BCAR3: variants seen among roughly 807,000 people sequenced by gnomAD.
BCAR3 encodes the protein BCAR3 adaptor protein, NSP family member, also known as breast cancer anti-estrogen resistance protein 3.
BCAR3 carries 37 observed loss-of-function variants against 80.1 expected under a neutral mutation model. The ratio of observed to expected loss-of-function variants is 0.46; its 90% CI spans 0.36 to 0.61. The LOEUF (loss-of-function observed/expected upper bound fraction) is 0.61, where lower values mean the gene tolerates loss of function less well. Ranked by LOEUF, BCAR3 falls within the 20% of genes least tolerant of loss-of-function variation. The pLI is 0.00. For synonymous variants in BCAR3, 389 were observed against 418.9 expected (o/e 0.93, Z 0.87); for missense variants, 978 against 1,068.2 (o/e 0.92, Z 1.18).
intron 3 of BCAR3, among the ~76,000 whole-genome samples, chr1:93,598,482 A>G (rs996938002): frequency 2.6e-5 from 4 of 152,230 alleles, no homozygotes; most frequent in African/African-American, 9.6e-5. Context: ...CTGAGGGTGG[A>G]AAGAGGCTGC....
intron 3 of BCAR3, chr1:93,598,815 T>C (rs1359885655): frequency 1.3e-5 from 2 of 152,202 alleles, no homozygotes; most frequent in Admixed American, 6.5e-5. Context: ...GACAGATGTC[T>C]GGAGAATCAG....
At chr1:93,662,947 C>CT (rs11382530) in intron 2 of BCAR3, among the ~76,000 whole-genome samples, 151,610 of 152,308 alleles carry the variant, frequency 1, 75,459 homozygotes, top group Middle Eastern at 1. Context: ...TCCTGTAGTT[C>CT]TTGTTACTCC....
At chr1:93,652,396 C>T (rs1386915729) in intron 2 of BCAR3, among the ~76,000 whole-genome samples, 1 of 152,202 alleles carries the variant, frequency 6.6e-6, no homozygotes, top group African/African-American at 2.4e-5. Context: ...CTACTTCTTT[C>T]CCAGCCAGCC....
At chr1:93,712,927 A>G (rs918731049) in intron 2 of BCAR3, among the ~76,000 whole-genome samples, 4 of 152,188 alleles carry the variant, frequency 2.6e-5, no homozygotes, top group African/African-American at 9.7e-5. Context: ...CCTTATCTCT[A>G]TATGGCTGGT....
At chr1:93,650,253 C>T (rs1298261755) in intron 2 of BCAR3, among the ~76,000 whole-genome samples, 3 of 152,124 alleles carry the variant, frequency 2.0e-5, no homozygotes, top group African/African-American at 7.2e-5. Context: ...GGCGTGGTGG[C>T]AAGCGCCTGT....
In BCAR3 at chr1:93,823,557, T is replaced by C. The variant is rs1397815295; in HGVS notation, c.-63+22010A>G. On this transcript the variant is annotated intron_variant, in intron 2 of 13. Transcript: ENST00000370244. ...AAATATTGTGTAAGTCAAGATGACA[T>C]TGACAGGCAAAATACTGACTGTACT... is the stretch of plus-strand genomic sequence containing the variant. Among the ~76,000 whole-genome samples, 8 of 134,638 alleles carry C rather than the reference T, an allele frequency of 5.9e-5. 1 individual carries two copies. The highest frequency in any genetic ancestry group is 2.0e-4 in the African/African-American group (8 of 40,006). The allele number at this position is 134,638 out of a possible 152,430, so 88.3% of individuals were successfully genotyped here.
At chr1:93,583,880 G>A (rs868196987) in intron 6 of BCAR3, 138 bp downstream of exon 6, 88 of 789,934 alleles carry the variant, frequency 1.1e-4, no homozygotes, top group Middle Eastern at 5.8e-4. Context: ...ATATAATTCT[G>A]CAAACCCATT....
intron 3 of BCAR3, among the ~76,000 whole-genome samples, chr1:93,626,824 A>T (rs1675469288): frequency 6.6e-6 from 1 of 152,254 alleles, no homozygotes; most frequent in South Asian, 2.1e-4. Flanking sequence ...CTGTGTTTCC[A>T]AGCACAGAGT....
At chr1:93,689,439 G>T (rs1265769410) in intron 3 of BCAR3, among the ~76,000 whole-genome samples, 1 of 151,890 alleles carries the variant, frequency 6.6e-6, no homozygotes, top group Non-Finnish European at 1.5e-5. Context: ...GCTAAGGCAG[G>T]AGAATCACCT....
intron 2 of BCAR3, among the ~76,000 whole-genome samples, chr1:93,841,959 G>A (rs772608053): frequency 1.3e-5 from 2 of 151,988 alleles, no homozygotes; most frequent in Admixed American, 6.6e-5. Context: ...TCTACCCTGC[G>A]CCCTAGCCAC....
intron 3 of BCAR3, among the ~76,000 whole-genome samples, chr1:93,619,017 C>T (rs1675228162): frequency 1.3e-5 from 2 of 150,962 alleles, no homozygotes. Context: ...TGGCTCACTG[C>T]AACCTCTGCC....
At chr1:93,648,184 G>A (rs923951508) in intron 2 of BCAR3, among the ~76,000 whole-genome samples, 1 of 152,198 alleles carries the variant, frequency 6.6e-6, no homozygotes, top group East Asian at 1.9e-4. Context: ...TTGGATGAAT[G>A]ACTCAAATTA....
intron 5 of BCAR3, chr1:93,585,151 A>C (rs1197431485): frequency 1.5e-5 from 15 of 985,338 alleles, no homozygotes; most frequent in Admixed American, 6.1e-5. Flanking sequence ...CCAGAACGGC[A>C]GGGTGTGGAA....
intron 2 of BCAR3, among the ~76,000 whole-genome samples, chr1:93,673,042 A>G (rs963714255): frequency 1.3e-5 from 2 of 152,196 alleles, no homozygotes; most frequent in East Asian, 3.8e-4. Flanking sequence ...TGCCTGCAAC[A>G]GCCTGGAAGG....
chr1:93,573,639 T>TATTATTA lies in BCAR3; in HGVS notation c.1803-1799_1803-1798insTAATAAT, dbSNP rs373537051. On this transcript the variant is annotated intron_variant, in intron 8 of 11. Coordinates refer to ENST00000260502, the MANE Select transcript of BCAR3 (RefSeq NM_003567.4). ...TATTATTATTATTATTATTATTTTT[T>TATTATTA]TTTTTTTGAGACAGGGTTTTGCTCT... 3.1e-4 allele frequency among the ~76,000 whole-genome samples: 43 copies of TATTATTA among 139,082 alleles called. 1 individual carries two copies. The highest frequency in any genetic ancestry group is 3.7e-3 in the Middle Eastern group (1 of 270). 91.2% of individuals were successfully genotyped at this position (139,082 alleles called of 152,430 possible). A position where few individuals can be genotyped will look rare whatever the true frequency, so the allele number is the denominator to read the frequency against.
At chr1:93,700,168 C>T (rs1030191427) in intron 3 of BCAR3, among the ~76,000 whole-genome samples, 4 of 152,104 alleles carry the variant, frequency 2.6e-5, no homozygotes, top group Non-Finnish European at 5.9e-5. Flanking sequence ...AAGTTTAGAT[C>T]CCCCCTAATG....
intron 3 of BCAR3, among the ~76,000 whole-genome samples, chr1:93,616,989 T>C (rs1404537059): frequency 2.0e-5 from 3 of 152,226 alleles, no homozygotes; most frequent in African/African-American, 4.8e-5. Context: ...AGGCCAAATG[T>C]TGCCCACCCT....
chr1:93,571,936 T>C (rs974088934), intron 8 of BCAR3, 95 bp from the exon 9 acceptor site: 1 of 1,341,006 alleles, frequency 7.5e-7, no homozygotes, highest in African/African-American at 1.5e-5. Flanking sequence ...TTTTGTGCCA[T>C]TTGCTCCTTT....
chr1:93,704,751 GA>G (rs1419343672), intron 3 of BCAR3, among the ~76,000 whole-genome samples: 1 of 152,184 alleles, frequency 6.6e-6, no homozygotes, highest in Non-Finnish European at 1.5e-5. Context: ...CAAGTCAGGG[GA>G]CTGCCTCATT....
Sources: gnomAD v4.1 joint callset for allele counts (sites outside exome capture counted in the v4.1 genomes callset) on GRCh38, gnomAD v4.1.1 for gene constraint, MANE v1.5 for transcripts, NCBI Gene and HGNC (gene_info 2026-07-23, HGNC 2026-07-21) for gene names.